The following GRM1 variants were observed in gnomAD, a reference collection of about 807,000 sequenced individuals.
The protein encoded by GRM1 is metabotropic glutamate receptor 1.
A neutral mutation model predicts 90.9 loss-of-function variants in GRM1; 33 were observed. That is an observed-to-expected ratio of 0.36 (90% CI 0.28 to 0.49). The LOEUF (loss-of-function observed/expected upper bound fraction) is 0.49. GRM1 is among the 20% of genes least tolerant of loss of function. The pLI is 0.99. For synonymous variants in GRM1, 700 were observed against 613.2 expected (o/e 1.14, Z -2.09); for missense variants, 1,190 against 1,534.3 (o/e 0.78, Z 3.75).
intron 3 of GRM1, among the ~76,000 whole-genome samples, chr6:146,320,401 A>T (rs185386220): frequency 6.6e-6 from 1 of 152,320 alleles, no homozygotes; most frequent in East Asian, 1.9e-4. Flanking sequence ...ATCGATGTTC[A>T]TCAGGGATAT....
intron 3 of GRM1, among the ~76,000 whole-genome samples, chr6:146,324,377 C>T (rs1009806270): frequency 1.1e-4 from 17 of 152,146 alleles, no homozygotes; most frequent in Admixed American, 9.2e-4. Context: ...TCCCTGGCTT[C>T]AGCCCCCTTT....
chr6:146,343,028 T>C (rs1785038537), intron 3 of GRM1, among the ~76,000 whole-genome samples: 1 of 152,172 alleles, frequency 6.6e-6, no homozygotes, highest in Non-Finnish European at 1.5e-5. Context: ...TTTCATTTAT[T>C]TTCCTTGTTT....
intron 5 of GRM1, among the ~76,000 whole-genome samples, chr6:146,385,336 T>G (rs1356619791): frequency 1.3e-5 from 2 of 151,942 alleles, no homozygotes; most frequent in Admixed American, 6.6e-5. Flanking sequence ...TTCAAAGCAC[T>G]GAAAGCAAAA....
intron 2 of GRM1, among the ~76,000 whole-genome samples, chr6:146,294,091 T>G (rs1442290335): frequency 1.3e-5 from 2 of 151,748 alleles, no homozygotes; most frequent in African/African-American, 4.8e-5. Context: ...TATTACATCT[T>G]TCCCCCAATT....
chr6:146,052,214 C>T (rs1344643320), intron 1 of GRM1, among the ~76,000 whole-genome samples: 1 of 151,732 alleles, frequency 6.6e-6, no homozygotes, highest in Non-Finnish European at 1.5e-5. Flanking sequence ...TGTAACCAAA[C>T]TTTCCTCAAT....
chr6:146,204,042 T>A (rs945648375), intron 2 of GRM1, among the ~76,000 whole-genome samples: 4 of 152,252 alleles, frequency 2.6e-5, no homozygotes, highest in Non-Finnish European at 5.9e-5. Context: ...TATAATGTTC[T>A]TATTGAGTGT....
At chr6:146,287,353 A>T (rs531547296) in intron 2 of GRM1, among the ~76,000 whole-genome samples, 1 of 152,186 alleles carries the variant, frequency 6.6e-6, no homozygotes, top group African/African-American at 2.4e-5. Context: ...CCTTTTTCGT[A>T]TTGCATTTAA....
At chr6:146,241,893 G>A (rs922810548) in intron 2 of GRM1, among the ~76,000 whole-genome samples, 2 of 152,082 alleles carry the variant, frequency 1.3e-5, no homozygotes, top group African/African-American at 4.8e-5. Flanking sequence ...TTGTCCAGTG[G>A]TGAAGGTTTC....
At chr6:146,151,602 A>T (rs1166914399) in intron 1 of GRM1, among the ~76,000 whole-genome samples, 1 of 152,156 alleles carries the variant, frequency 6.6e-6, no homozygotes, top group Non-Finnish European at 1.5e-5. Context: ...GGTCAATGAA[A>T]CTTAGCCACT....
chr6:146,323,217 G>C (rs533192453), intron 3 of GRM1, among the ~76,000 whole-genome samples: 9 of 152,268 alleles, frequency 5.9e-5, no homozygotes, highest in Admixed American at 3.9e-4. Flanking sequence ...CAGTGTAAAA[G>C]TGTTCCTATT....
Position 146,159,609 on chromosome 6 carries a change from TC to T in GRM1, c.950+13del, listed in dbSNP as rs1394024912. The T allele has an allele frequency of 1.1e-5, 7 of 624,596 alleles. No individual in the cohort carries two copies. Among genetic ancestry groups the T allele is most frequent in the Non-Finnish European group, 1.5e-5 (7 of 460,922 alleles). 38.7% of individuals were successfully genotyped at this position (624,596 alleles called of 1,614,324 possible). ...TCACTCATTGGAAGGTAAGTTTCTC[TC>T]TCTCTCTCTCTCTCTCTCTCTCTCT... is the stretch of plus-strand genomic sequence containing the variant. On this transcript the variant is annotated intron_variant, in intron 2 of 7. Transcript: ENST00000282753.
chr6:146,365,771 C>T (rs1375108877), intron 5 of GRM1, among the ~76,000 whole-genome samples: 1 of 152,152 alleles, frequency 6.6e-6, no homozygotes, highest in African/African-American at 2.4e-5. Flanking sequence ...CCTTACCTGA[C>T]CACCATATGC....
At chr6:146,037,815 A>C (rs762398786) in intron 1 of GRM1, among the ~76,000 whole-genome samples, 5 of 151,986 alleles carry the variant, frequency 3.3e-5, no homozygotes, top group Non-Finnish European at 7.4e-5. Flanking sequence ...TTTATTTATA[A>C]ATTTTTAAAC....
chr6:146,097,580 A>G (rs1006790607), intron 1 of GRM1, among the ~76,000 whole-genome samples: 16 of 152,202 alleles, frequency 1.1e-4, no homozygotes, highest in African/African-American at 1.7e-4. Flanking sequence ...AGCTAGAGCT[A>G]TTTCTGTGTT....
chr6:146,125,414 CCCTT>C (rs542763009), intron 1 of GRM1, among the ~76,000 whole-genome samples: 68 of 151,922 alleles, frequency 4.5e-4, no homozygotes, highest in African/African-American at 1.5e-3. Context: ...TTTTCCTCCT[CCCTT>C]CCTCCATTCC....
At chr6:146,396,090 A>ATCTCTCTATCTATCTATCTATCTG (rs1554307320) in intron 6 of GRM1, among the ~76,000 whole-genome samples, 1 of 150,548 alleles carries the variant, frequency 6.6e-6, no homozygotes, top group African/African-American at 2.5e-5. Context: ...CTATCTATCT[A>ATCTCTCTATCTATCTATCTATCTG]TCTATCTATC....
chr6:146,294,237 G>A (rs1191550612), intron 2 of GRM1, among the ~76,000 whole-genome samples: 1 of 151,428 alleles, frequency 6.6e-6, no homozygotes, highest in African/African-American at 2.4e-5. Context: ...TTCCTCCTAA[G>A]AACTCTTTAA....
chr6:146,405,269 A>G (rs2114605971), intron 7 of GRM1, among the ~76,000 whole-genome samples: 1 of 152,292 alleles, frequency 6.6e-6, no homozygotes, highest in Admixed American at 6.5e-5. Flanking sequence ...AAATATTTAA[A>G]GTGCCCAAGA....
intron 1 of GRM1, among the ~76,000 whole-genome samples, chr6:146,145,920 C>A (rs1262845333): frequency 6.6e-6 from 1 of 151,976 alleles, no homozygotes; most frequent in African/African-American, 2.4e-5. Context: ...GGGGGCCCAA[C>A]TCCCCTCACT....
Sources: gnomAD v4.1 joint callset for allele counts (sites outside exome capture counted in the v4.1 genomes callset) on GRCh38, gnomAD v4.1.1 for gene constraint, MANE v1.5 for transcripts, NCBI Gene and HGNC (gene_info 2026-07-23, HGNC 2026-07-21) for gene names.